IMPG1: variants seen among roughly 807,000 people sequenced by gnomAD.
IMPG1 encodes interphotoreceptor matrix proteoglycan of 150 kDa.
A neutral mutation model predicts 92.0 loss-of-function variants in IMPG1; 85 were observed. The ratio of observed to expected loss-of-function variants is 0.92; its 90% CI spans 0.78 to 1.11. IMPG1 has a LOEUF of 1.11. Ranked by LOEUF, IMPG1 falls within the 50% of genes least tolerant of loss-of-function variation. The pLI is 0.00. For synonymous variants in IMPG1, 367 were observed against 334.1 expected, an observed-to-expected ratio of 1.10 and a Z score of -1.08; for missense variants, 1,022 against 956.0, an observed-to-expected ratio of 1.07 and a Z score of -0.91.
intron 16 of IMPG1, among the ~76,000 whole-genome samples, chr6:75,922,593 GT>G (rs1441862620): frequency 2.6e-5 from 4 of 152,122 alleles, no homozygotes; most frequent in African/African-American, 4.8e-5. Context: ...AGTTCTTCAA[GT>G]TTACTTCCTA....
chr6:75,969,309 C>T (rs1782362943), intron 12 of IMPG1, among the ~76,000 whole-genome samples: 1 of 151,810 alleles, frequency 6.6e-6, no homozygotes, highest in South Asian at 2.1e-4. Flanking sequence ...ATTTGAATGC[C>T]CTCACCACAA....
chr6:76,008,018 G>A (rs1783126028), intron 8 of IMPG1, among the ~76,000 whole-genome samples: 1 of 152,186 alleles, frequency 6.6e-6, no homozygotes, highest in Non-Finnish European at 1.5e-5. Flanking sequence ...CTATCAGTAA[G>A]CTTTGAGGGA....
chr6:75,955,843 A>G (rs1782110671), intron 12 of IMPG1, among the ~76,000 whole-genome samples: 1 of 152,224 alleles, frequency 6.6e-6, no homozygotes, highest in African/African-American at 2.4e-5. Context: ...CATTTTCTGC[A>G]TCTATTGGGA....
At chr6:76,049,767 T>TA (rs1357218382) in intron 1 of IMPG1, among the ~76,000 whole-genome samples, 5 of 152,142 alleles carry the variant, frequency 3.3e-5, no homozygotes, top group African/African-American at 1.2e-4. Context: ...GGGAGGGTCT[T>TA]ATGAAAGACC....
intron 14 of IMPG1, among the ~76,000 whole-genome samples, chr6:75,931,793 C>T (rs910566026): frequency 6.6e-6 from 1 of 152,184 alleles, no homozygotes; most frequent in African/African-American, 2.4e-5. Context: ...TTCTATTTTA[C>T]TCCATTCCTA....
intron 1 of IMPG1, among the ~76,000 whole-genome samples, chr6:76,061,411 T>A (rs978717623): frequency 6.6e-6 from 1 of 152,198 alleles, no homozygotes; most frequent in Non-Finnish European, 1.5e-5. Context: ...TGCCTACCAT[T>A]AGGCAGCTAT....
At chr6:76,039,931 A>G (rs1783806154) in intron 2 of IMPG1, among the ~76,000 whole-genome samples, 1 of 152,182 alleles carries the variant, frequency 6.6e-6, no homozygotes, top group Non-Finnish European at 1.5e-5. Flanking sequence ...GTTCCATTTG[A>G]TTTGGGAATA....
chr6:76,013,738 C>T (rs1196950032), intron 7 of IMPG1, among the ~76,000 whole-genome samples: 2 of 152,158 alleles, frequency 1.3e-5, no homozygotes, highest in African/African-American at 2.4e-5. Flanking sequence ...CAGTTGAGTG[C>T]ATCTCTTCAT....
intron 5 of IMPG1, among the ~76,000 whole-genome samples, chr6:76,022,448 C>T (rs1783449669): frequency 6.6e-6 from 1 of 151,980 alleles, no homozygotes; most frequent in African/African-American, 2.4e-5. Flanking sequence ...TTGGTGCTTC[C>T]CTGTATGTGT....
At chr6:75,981,383 C>T (rs774608057) in intron 12 of IMPG1, among the ~76,000 whole-genome samples, 10 of 152,296 alleles carry the variant, frequency 6.6e-5, no homozygotes, top group African/African-American at 2.2e-4. Flanking sequence ...CCTTTAGAGG[C>T]GTTCTTCCAT....
chr6:75,979,454 CA>C (rs904802902), intron 12 of IMPG1, among the ~76,000 whole-genome samples: 2 of 152,150 alleles, frequency 1.3e-5, no homozygotes, highest in South Asian at 2.1e-4. Context: ...CCCTGCTGAT[CA>C]GGGGCATGTG....
intron 1 of IMPG1, among the ~76,000 whole-genome samples, chr6:76,042,610 A>G (rs1309175298): frequency 6.6e-6 from 1 of 152,168 alleles, no homozygotes; most frequent in African/African-American, 2.4e-5. Flanking sequence ...GGAATTCTAT[A>G]TGGGCAGGGC....
At chr6:76,022,689 T>G (rs1783453840) in intron 5 of IMPG1, among the ~76,000 whole-genome samples, 1 of 152,200 alleles carries the variant, frequency 6.6e-6, no homozygotes, top group African/African-American at 2.4e-5. Context: ...TTTCACTTCT[T>G]TTAGAACAGA....
intron 1 of IMPG1, among the ~76,000 whole-genome samples, chr6:76,048,461 G>A (rs78900869): frequency 0.029 from 4,479 of 152,202 alleles, 224 homozygotes; most frequent in African/African-American, 0.1. Context: ...CACTGGCTGC[G>A]TCTGTGATCA....
At chr6:76,051,303 G>A (rs929782288) in intron 1 of IMPG1, among the ~76,000 whole-genome samples, 1 of 152,108 alleles carries the variant, frequency 6.6e-6, no homozygotes, top group South Asian at 2.1e-4. Context: ...AATACAAATC[G>A]TGCTTAACAT....
intron 7 of IMPG1, among the ~76,000 whole-genome samples, chr6:76,017,509 G>A (rs913984254): frequency 6.6e-6 from 1 of 152,028 alleles, no homozygotes; most frequent in Admixed American, 6.6e-5. Flanking sequence ...CTTTAACCCA[G>A]CATCTTCTCT....
At chr6:75,948,451 C>T (rs1018613167) in intron 13 of IMPG1, among the ~76,000 whole-genome samples, 1 of 152,160 alleles carries the variant, frequency 6.6e-6, no homozygotes, top group African/African-American at 2.4e-5. Flanking sequence ...CCCACACCTC[C>T]TTTTTATTTG....
chr6:75,974,991 T>G (rs1310171088), intron 12 of IMPG1, among the ~76,000 whole-genome samples: 1 of 152,260 alleles, frequency 6.6e-6, no homozygotes, highest in South Asian at 2.1e-4. Context: ...AAGAATGATT[T>G]TCTTTTGGGA....
chr6:75,987,116 C>G (rs1046913840), intron 12 of IMPG1, among the ~76,000 whole-genome samples: 2 of 152,030 alleles, frequency 1.3e-5, no homozygotes, highest in Non-Finnish European at 2.9e-5. Context: ...GTACTAGTTT[C>G]CTGTGTTTCC....
Sources: allele counts gnomAD v4.1 joint callset (sites outside exome capture counted in the v4.1 genomes callset), GRCh38; gene constraint gnomAD v4.1.1; transcripts MANE v1.5; gene names NCBI Gene and HGNC (gene_info 2026-07-23, HGNC 2026-07-21).